Variants in ACTRT2 observed in about 807,000 individuals in gnomAD.
ACTRT2 encodes actin related protein T2.
A neutral mutation model predicts 1.2 loss-of-function variants in ACTRT2; 1 was observed. The observed-to-expected ratio is 0.80, with a 90% CI of 0.29 to 3.81. The LOEUF is 3.81. Among genes scored for constraint, ACTRT2 ranks in the 30% most tolerant of loss-of-function variants. The probability of loss-of-function intolerance (pLI) is 0.18; values close to 1 mark genes in which losing one functional copy is unlikely to be tolerated. For missense variants in ACTRT2, 488 were observed against 497.9 expected (o/e 0.98, Z 0.19); for synonymous variants, 262 against 228.9 (o/e 1.14, Z -1.30).
rs924502089 is a variant in ACTRT2, at chr1:3,022,282, C to G, written c.596C>G (p.Ala199Gly). ...GAGCTCCTCATGCAGCTGCTCCTGG[C>G]CAGCGGCCACACCTTCCCCTGCCAG... Reference protein sequence around the residue: ...ITELLMQLLLASGHTFPCQLD... With the variant: ...ITELLMQLLLGSGHTFPCQLD... Residue 199 changes from alanine (A) to glycine (G), a missense_variant, in exon 1 of 1, where the codon GCC becomes GGC. By Grantham distance (60) the Ala-to-Gly change is moderately conservative. Coordinates refer to ENST00000378404, the MANE Select transcript of ACTRT2 (RefSeq NM_080431.5). The surrounding 1 kb of genome is among the most constrained non-coding windows in gnomAD (Gnocchi z 7.7). 6 of 1,612,600 alleles carry G rather than the reference C, an allele frequency of 3.7e-6. No homozygotes were observed. Among genetic ancestry groups the G allele is most frequent in the Non-Finnish European group, 5.1e-6 (6 of 1,179,870 alleles).
chr1:3,022,720 C>T lies in ACTRT2; in HGVS notation c.1034C>T (p.Ala345Val), dbSNP rs1480468806. 6.2e-7 allele frequency: 1 copy of T among 1,613,582 alleles called. No homozygotes were observed. Among genetic ancestry groups the T allele is most frequent in the Non-Finnish European group, 8.5e-7 (1 of 1,180,034 alleles). Reference sequence around the variant, plus strand: ...CGGTGGTTCTCCACCTGGATTGGAGCCTCCATCGTCACCTCTCTGAGTAGC... The same window carrying T: ...CGGTGGTTCTCCACCTGGATTGGAGTCTCCATCGTCACCTCTCTGAGTAGC... ...PDRWFSTWIG[A>V]SIVTSLSSFK... The change falls in exon 1 of 1, where the codon GCC becomes GTC. Residue 345 changes from alanine to valine, a missense_variant. Physicochemically the swap from Ala to Val is moderately conservative, Grantham distance 64. Coordinates refer to ENST00000378404, the MANE Select transcript of ACTRT2 (RefSeq NM_080431.5). This position sits in a 1 kb window ranked among gnomAD's most constrained non-coding sequence, Gnocchi z 7.7.
Position 3,022,439 on chromosome 1 carries a change from C to T in ACTRT2, c.753C>T (p.Ser251=). ...AGCTGCCCGACGGGAACATCATCAG[C>T]CTCGGGGACCCGCTGCACCAGGCGC... ...EYKLPDGNII[S]LGDPLHQAPE... Residue 251 remains serine (S), a synonymous_variant, in exon 1 of 1, where the codon AGC becomes AGT. Coordinates refer to ENST00000378404, the MANE Select transcript of ACTRT2 (RefSeq NM_080431.5). The surrounding 1 kb of genome is among the most constrained non-coding windows in gnomAD (Gnocchi z 7.7). 6.2e-7 allele frequency: 1 copy of T among 1,612,900 alleles called. No homozygotes were observed. The highest frequency in any genetic ancestry group is 8.5e-7 in the Non-Finnish European group (1 of 1,180,012).
At position 3,021,534 on chromosome 1, in the gene ACTRT2, C is replaced by G; in HGVS notation, c.-153C>G. The G allele has an allele frequency of 9.2e-7, 1 of 1,092,186 alleles. No individual in the cohort carries two copies. Among genetic ancestry groups the G allele is most frequent in the South Asian group, 1.6e-5 (1 of 63,006 alleles). The allele number at this position is 1,092,186 out of a possible 1,614,324, so 67.7% of individuals were successfully genotyped here. ...ACCTGGAGGGAGAGCAGACCTGCGG[C>G]TGAGGATGCAGGGCTCCCGGGCACG... On this transcript the variant is annotated 5_prime_UTR_variant, in exon 1 of 1. Transcript: ENST00000378404.
Position 3,022,106 on chromosome 1 carries a change from C to G in ACTRT2, c.420C>G (p.Asp140Glu), listed in dbSNP as rs775598876. ...NFGVPAFYLSDQAVLALYASA... is the reference protein window; with the variant it reads ...NFGVPAFYLSEQAVLALYASA... Reference sequence around the variant, plus strand: ...GCGTGCCCGCTTTCTACCTGTCGGACCAGGCGGTGCTGGCTCTCTACGCCT... The same window carrying G: ...GCGTGCCCGCTTTCTACCTGTCGGAGCAGGCGGTGCTGGCTCTCTACGCCT... The change falls in exon 1 of 1, where the codon GAC (aspartate) becomes GAG (glutamate). Residue 140 changes from aspartate (D) to glutamate (E), a missense_variant. Asp to Glu is a conservative substitution (Grantham distance 45). Transcript: ENST00000378404. The surrounding 1 kb of genome is among the most constrained non-coding windows in gnomAD (Gnocchi z 7.7). The G allele has an allele frequency of 3.1e-6, 5 of 1,613,374 alleles. No homozygotes were observed. The South Asian group carries it at 5.5e-5, about 18-fold the overall frequency.
Position 3,022,898 on chromosome 1 carries a change from C to A in ACTRT2, c.*78C>A. On this transcript the variant is annotated 3_prime_UTR_variant, in exon 1 of 1. Coordinates refer to ENST00000378404, the MANE Select transcript of ACTRT2 (RefSeq NM_080431.5). This position sits in a 1 kb window ranked among gnomAD's most constrained non-coding sequence, Gnocchi z 7.7. ...GAGGATGTTCAATAAAGGACCAATG[C>A]CGGAACACCTGGCCACCTCGGCTCA... 6.6e-7 allele frequency: 1 copy of A among 1,516,226 alleles called. No homozygotes were observed. The highest frequency in any genetic ancestry group is 8.9e-7 in the Non-Finnish European group (1 of 1,128,076). 93.9% of individuals were successfully genotyped at this position (1,516,226 alleles called of 1,614,324 possible). A position where few individuals can be genotyped will look rare whatever the true frequency, so the allele number is the denominator to read the frequency against.
rs768220031 is a variant in ACTRT2 at position 3,022,040 on chromosome 1, G to C, written c.354G>C (p.Glu118Asp). The change falls in exon 1 of 1, where the codon GAG becomes GAC. Residue 118 changes from glutamate (E) to aspartate (D), a missense_variant. Glu to Asp is a conservative substitution (Grantham distance 45). Coordinates refer to ENST00000378404, the MANE Select transcript of ACTRT2 (RefSeq NM_080431.5). The surrounding 1 kb of genome is among the most constrained non-coding windows in gnomAD (Gnocchi z 7.7). ...CGGAGCCCTCCCTGAACCCCAGGGA[G>C]AACCGTGAGAAGATGGCAGAAGTCA... ...LATEPSLNPR[E>D]NREKMAEVMF... 3 of 1,613,594 alleles carry C rather than the reference G, an allele frequency of 1.9e-6. No individual in the cohort carries two copies. The highest frequency in any genetic ancestry group is 4.5e-5 in the East Asian group (2 of 44,864).
Position 3,022,858 on chromosome 1 carries a change from T to C in ACTRT2, c.*38T>C. On this transcript the variant is annotated 3_prime_UTR_variant, in exon 1 of 1. Coordinates refer to ENST00000378404, the MANE Select transcript of ACTRT2 (RefSeq NM_080431.5). This position sits in a 1 kb window ranked among gnomAD's most constrained non-coding sequence, Gnocchi z 7.7. ...GTTGGGTACCGTGGGGGGTGAACCC[T>C]AGCCCCAGCTTTGGGAGGATGTTCA... 1 of 1,564,682 alleles carries C rather than the reference T, an allele frequency of 6.4e-7. No individual in the cohort carries two copies. Among genetic ancestry groups the C allele is most frequent in the East Asian group, 2.3e-5 (1 of 44,292 alleles).
At position 3,022,423 on chromosome 1, in the gene ACTRT2, A is replaced by G; in HGVS notation, c.737A>G (p.Asp246Gly). The change falls in exon 1 of 1, where the codon GAC (aspartate) becomes GGC (glycine). Residue 246 changes from aspartate (D) to glycine (G), a missense_variant. By Grantham distance (94) the Asp-to-Gly change is moderately conservative. Transcript: ENST00000378404. This position sits in a 1 kb window ranked among gnomAD's most constrained non-coding sequence, Gnocchi z 7.7. ...GTCCTGAGGGAGTACAAGCTGCCCG[A>G]CGGGAACATCATCAGCCTCGGGGAC... ...EEVLREYKLP[D>G]GNIISLGDPL... 6.2e-7 allele frequency: 1 copy of G among 1,612,814 alleles called. No individual in the cohort carries two copies. The highest frequency in any genetic ancestry group is 8.5e-7 in the Non-Finnish European group (1 of 1,179,992).
Position 3,022,899 on chromosome 1 carries a change from C to G in ACTRT2, c.*79C>G. 6.6e-7 allele frequency: 1 copy of G among 1,514,296 alleles called. No homozygotes were observed. Among genetic ancestry groups the G allele is most frequent in the Non-Finnish European group, 8.9e-7 (1 of 1,126,712 alleles). The allele number at this position is 1,514,296 out of a possible 1,614,324, so 93.8% of individuals were successfully genotyped here. On this transcript the variant is annotated 3_prime_UTR_variant, in exon 1 of 1. Coordinates refer to ENST00000378404, the MANE Select transcript of ACTRT2 (RefSeq NM_080431.5). This position sits in a 1 kb window ranked among gnomAD's most constrained non-coding sequence, Gnocchi z 7.7. ...AGGATGTTCAATAAAGGACCAATGC[C>G]GGAACACCTGGCCACCTCGGCTCAG... is the stretch of plus-strand genomic sequence containing the variant.
rs1641092690 is a variant in ACTRT2 at position 3,022,547 on chromosome 1, T to C, written c.861T>C (p.Cys287=). 1.9e-6 allele frequency: 3 copies of C among 1,612,858 alleles called. No individual in the cohort carries two copies. The highest frequency in any genetic ancestry group is 8.5e-7 in the Non-Finnish European group (1 of 1,180,030). Residue 287 remains cysteine, a synonymous_variant, in exon 1 of 1, where the codon TGT becomes TGC. Coordinates refer to ENST00000378404, the MANE Select transcript of ACTRT2 (RefSeq NM_080431.5). This position sits in a 1 kb window ranked among gnomAD's most constrained non-coding sequence, Gnocchi z 7.7. ...TGGTCTCCAGCAGCATCACCAAGTG[T>C]GATACCGACATCCAGAAGATCCTCT... ...SNMVSSSITK[C]DTDIQKILFG... is the part of the protein sequence containing the mutation.
chr1:3,022,689 C>G lies in ACTRT2; in HGVS notation c.1003C>G (p.Pro335Ala), dbSNP rs781205826. ...CACCCCCATCAAGATCACGGCTCCCCCCGACCGGTGGTTCTCCACCTGGAT... is the reference window on the plus strand; with the variant it reads ...CACCCCCATCAAGATCACGGCTCCCGCCGACCGGTGGTTCTCCACCTGGAT... ...KDTPIKITAP[P>A]DRWFSTWIGA... The change falls in exon 1 of 1, where the codon CCC (proline) becomes GCC (alanine). Residue 335 changes from proline to alanine, a missense_variant. Transcript: ENST00000378404. This position sits in a 1 kb window ranked among gnomAD's most constrained non-coding sequence, Gnocchi z 7.7. 1.2e-6 allele frequency: 2 copies of G among 1,613,092 alleles called. No individual in the cohort carries two copies. Among genetic ancestry groups the G allele is most frequent in the African/African-American group, 1.3e-5 (1 of 74,828 alleles).
chr1:3,022,404 A>T lies in ACTRT2; in HGVS notation c.718A>T (p.Arg240Trp), dbSNP rs776851397. 6.2e-7 allele frequency: 1 copy of T among 1,612,868 alleles called. No individual in the cohort carries two copies. Among genetic ancestry groups the T allele is most frequent in the South Asian group, 1.1e-5 (1 of 91,074 alleles). The change falls in exon 1 of 1, where the codon AGG becomes TGG. Residue 240 changes from arginine to tryptophan, a missense_variant. By Grantham distance (101) the Arg-to-Trp change is moderately radical. Transcript: ENST00000378404. The surrounding 1 kb of genome is among the most constrained non-coding windows in gnomAD (Gnocchi z 7.7). ...TTCCCGGAGGCCGGAGGAGGTCCTG[A>T]GGGAGTACAAGCTGCCCGACGGGAA... ...ELSRRPEEVL[R>W]EYKLPDGNII...
rs756247769 is a variant in ACTRT2, at chr1:3,021,800, C to T, written c.114C>T (p.Ile38=). ...EFGPRHMVSS[I]VGHLKFQAPS... ...GACCCCGGCACATGGTCAGCTCCAT[C>T]GTGGGGCACCTGAAATTCCAGGCTC... Residue 38 remains isoleucine (I), a synonymous_variant, in exon 1 of 1, where the codon ATC becomes ATT. Transcript: ENST00000378404. 23 of 1,613,564 alleles carry T rather than the reference C, an allele frequency of 1.4e-5. No individual in the cohort carries two copies. In the East Asian group the frequency reaches 2.7e-4, roughly 19 times the overall value.
rs548864585 is a variant in ACTRT2, at chr1:3,022,102, C to T, written c.416C>T (p.Ser139Leu). 71 of 1,613,358 alleles carry T rather than the reference C, an allele frequency of 4.4e-5. No homozygotes were observed. Among genetic ancestry groups the T allele is most frequent in the South Asian group, 3.6e-4 (33 of 91,086 alleles). The change falls in exon 1 of 1, where the codon TCG (serine) becomes TTG (leucine). Residue 139 changes from serine to leucine, a missense_variant. Coordinates refer to ENST00000378404, the MANE Select transcript of ACTRT2 (RefSeq NM_080431.5). This position sits in a 1 kb window ranked among gnomAD's most constrained non-coding sequence, Gnocchi z 7.7. ...TTCGGCGTGCCCGCTTTCTACCTGT[C>T]GGACCAGGCGGTGCTGGCTCTCTAC... ...ENFGVPAFYL[S>L]DQAVLALYAS...
rs2100240219 is a variant in ACTRT2 at position 3,021,938 on chromosome 1, T to C, written c.252T>C (p.Asp84=). The change falls in exon 1 of 1, where the codon GAT becomes GAC. Residue 84 remains aspartate (D), a synonymous_variant. Transcript: ENST00000378404. Reference sequence around the variant, plus strand: ...AGCGTGGCCTGATCACAGGGTGGGATGACGTGGAGAGACTCTGGAAGCACC... The same window carrying C: ...AGCGTGGCCTGATCACAGGGTGGGACGACGTGGAGAGACTCTGGAAGCACC... ...PFERGLITGW[D]DVERLWKHLF... 1 of 1,613,518 alleles carries C rather than the reference T, an allele frequency of 6.2e-7. No homozygotes were observed. The highest frequency in any genetic ancestry group is 2.2e-5 in the East Asian group (1 of 44,836).
Position 3,021,683 on chromosome 1 carries a change from G to A in ACTRT2, c.-4G>A, listed in dbSNP as rs775780440. The A allele has an allele frequency of 5.6e-6, 9 of 1,606,042 alleles. No individual in the cohort carries two copies. Among genetic ancestry groups the A allele is most frequent in the African/African-American group, 2.7e-5 (2 of 74,672 alleles). Reference sequence around the variant, plus strand: ...GATGAGGCTGAGAAGGGAAGGCTGCGGGCATGTTTAATCCGCACGCTTTAG... The same window carrying A: ...GATGAGGCTGAGAAGGGAAGGCTGCAGGCATGTTTAATCCGCACGCTTTAG... On this transcript the variant is annotated 5_prime_UTR_variant, in exon 1 of 1. Transcript: ENST00000378404.
In ACTRT2 at chr1:3,022,637, G is replaced by A; in HGVS notation, c.951G>A (p.Lys317=). ...ACGGGCTGGATGACCGGCTTCTCAA[G>A]GAGCTGGAGCAGCTGGCCTCCAAGG... ...LFHGLDDRLL[K]ELEQLASKDT... Residue 317 remains lysine, a synonymous_variant, in exon 1 of 1, where the codon AAG becomes AAA. Transcript: ENST00000378404. This position sits in a 1 kb window ranked among gnomAD's most constrained non-coding sequence, Gnocchi z 7.7. 6.2e-7 allele frequency: 1 copy of A among 1,613,190 alleles called. No individual in the cohort carries two copies. The highest frequency in any genetic ancestry group is 8.5e-7 in the Non-Finnish European group (1 of 1,180,032).
chr1:3,022,400 C>A lies in ACTRT2; in HGVS notation c.714C>A (p.Val238=), dbSNP rs1269958776. 6.2e-7 allele frequency: 1 copy of A among 1,612,894 alleles called. No homozygotes were observed. Among genetic ancestry groups the A allele is most frequent in the Non-Finnish European group, 8.5e-7 (1 of 1,180,010 alleles). The change falls in exon 1 of 1, where the codon GTC becomes GTA. Residue 238 remains valine, a synonymous_variant. Transcript: ENST00000378404. This position sits in a 1 kb window ranked among gnomAD's most constrained non-coding sequence, Gnocchi z 7.7. ...AGCTTTCCCGGAGGCCGGAGGAGGT[C>A]CTGAGGGAGTACAAGCTGCCCGACG... ...EKELSRRPEE[V]LREYKLPDGN...
In ACTRT2 at chr1:3,022,122, C is replaced by G. The variant is rs750775168; in HGVS notation, c.436C>G (p.Leu146Val). 1.9e-6 allele frequency: 3 copies of G among 1,613,142 alleles called. No individual in the cohort carries two copies. Among genetic ancestry groups the G allele is most frequent in the African/African-American group, 2.7e-5 (2 of 74,934 alleles). ...CCTGTCGGACCAGGCGGTGCTGGCT[C>G]TCTACGCCTCTGCCTGTGTCACGGG... ...FYLSDQAVLA[L>V]YASACVTGLV... The change falls in exon 1 of 1, where the codon CTC becomes GTC. Residue 146 changes from leucine (L) to valine (V), a missense_variant. Coordinates refer to ENST00000378404, the MANE Select transcript of ACTRT2 (RefSeq NM_080431.5). This position sits in a 1 kb window ranked among gnomAD's most constrained non-coding sequence, Gnocchi z 7.7.
Sources: allele counts gnomAD v4.1 joint callset, GRCh38; gene constraint gnomAD v4.1.1; non-coding constraint Gnocchi (gnomAD v3.1); transcripts MANE v1.5; gene names NCBI Gene and HGNC (gene_info 2026-07-23, HGNC 2026-07-21).